The following ZNF438 variants were observed in gnomAD, a reference collection of about 807,000 sequenced individuals.
ZNF438 encodes the protein zinc finger protein 438.
ZNF438 carries 25 observed loss-of-function variants against 38.0 expected under a neutral mutation model. The observed-to-expected ratio is 0.66, with a 90% CI of 0.48 to 0.92. ZNF438 has a LOEUF of 0.92. Among genes scored for constraint, ZNF438 ranks in the 40% least tolerant of loss-of-function variants. The probability of loss-of-function intolerance (pLI) is 0.00; values close to 1 mark genes in which losing one functional copy is unlikely to be tolerated. For synonymous variants in ZNF438, 372 were observed against 364.1 expected (o/e 1.02, Z -0.25); for missense variants, 1,007 against 999.6 (o/e 1.01, Z -0.10).
intron 4 of ZNF438, among the ~76,000 whole-genome samples, chr10:30,863,582 G>T (rs567163015): frequency 3.9e-5 from 6 of 152,310 alleles, no homozygotes; most frequent in African/African-American, 1.4e-4. Context: ...AACCTGGGTT[G>T]AAGGGAATAT....
At chr10:30,850,737 A>G (rs1395014270) in intron 4 of ZNF438, among the ~76,000 whole-genome samples, 1 of 152,166 alleles carries the variant, frequency 6.6e-6, no homozygotes, top group African/African-American at 2.4e-5. Context: ...TCATCTTCAC[A>G]TGATGTCTGG....
chr10:31,001,034 C>T (rs2054600690), intron 1 of ZNF438, among the ~76,000 whole-genome samples: 1 of 152,124 alleles, frequency 6.6e-6, no homozygotes, highest in African/African-American at 2.4e-5. Context: ...ATCTCACCAG[C>T]CCTCTTAAGA....
chr10:30,912,450 C>T (rs1323807415), intron 2 of ZNF438, among the ~76,000 whole-genome samples: 1 of 152,116 alleles, frequency 6.6e-6, no homozygotes, highest in Non-Finnish European at 1.5e-5. Context: ...TCAAGGTAAA[C>T]ATCATGTCTC....
intron 1 of ZNF438, among the ~76,000 whole-genome samples, chr10:31,018,846 C>T (rs1564354353): frequency 6.6e-6 from 1 of 152,132 alleles, no homozygotes; most frequent in Non-Finnish European, 1.5e-5. Flanking sequence ...GTTGCTGCTG[C>T]TTTCAGTTAG....
chr10:30,955,820 T>C (rs1305114285), intron 1 of ZNF438, among the ~76,000 whole-genome samples: 2 of 152,224 alleles, frequency 1.3e-5, no homozygotes, highest in South Asian at 2.1e-4. Flanking sequence ...TGTAACTTAT[T>C]ATTATTTTTT....
chr10:30,959,372 T>C lies in ZNF438; in HGVS notation c.-191-17721A>G, dbSNP rs79183529. Among the ~76,000 whole-genome samples the C allele has an allele frequency of 7.0e-3, 1,031 of 146,430 alleles. 35 individuals carry two copies. Among genetic ancestry groups the C allele is most frequent in the African/African-American group, 0.023 (961 of 41,118 alleles). On this transcript the variant is annotated intron_variant, in intron 1 of 5. Transcript: ENST00000413025. ...CTCCCTTCAGACTTCATCTGCAACATTGGCTCTTCTGGTTTTCCAGCTGAC... is the reference window on the plus strand; with the variant it reads ...CTCCCTTCAGACTTCATCTGCAACACTGGCTCTTCTGGTTTTCCAGCTGAC...
rs779722925 is a variant in ZNF438 at position 30,848,706 on chromosome 10, TGA to T, written c.1697_1698del (p.Leu566HisfsTer4). ...ACTTTTGCACAAAACTCACAACACA[TGA>T]GTTTCTTCAGACGGTTCTCACCATG... is the stretch of plus-strand genomic sequence containing the variant. On this transcript the variant is annotated frameshift_variant, in exon 5 of 6. Transcript: ENST00000413025. LOFTEE classifies it high-confidence loss of function. 8.1e-6 allele frequency: 13 copies of T among 1,614,018 alleles called. No homozygotes were observed. The highest frequency in any genetic ancestry group is 1.1e-5 in the Non-Finnish European group (13 of 1,179,988).
intron 1 of ZNF438, among the ~76,000 whole-genome samples, chr10:31,025,677 T>C (rs1413236488): frequency 2.0e-5 from 3 of 152,208 alleles, no homozygotes; most frequent in African/African-American, 7.2e-5. Context: ...CTTCTGGGTG[T>C]TCTTTTGGGG....
In ZNF438 at chr10:31,024,352, C is replaced by T. The variant is rs925153037; in HGVS notation, c.-192+7481G>A. ...TAAAAGATTCCTAGGTACGGCCGAGCGCAGTGGCTTACGCCTGTAATCCTA... is the reference window on the plus strand; with the variant it reads ...TAAAAGATTCCTAGGTACGGCCGAGTGCAGTGGCTTACGCCTGTAATCCTA... On this transcript the variant is annotated intron_variant, in intron 1 of 5. Coordinates refer to ENST00000413025, the Ensembl canonical transcript of ZNF438. Among the ~76,000 whole-genome samples, 8 of 152,116 alleles carry T rather than the reference C, an allele frequency of 5.3e-5. No homozygotes were observed. In the East Asian group the frequency reaches 7.7e-4, roughly 15 times the overall value.
At chr10:30,950,785 CCAGATGGATTCA>C (rs1285253472) in intron 1 of ZNF438, among the ~76,000 whole-genome samples, 8 of 117,866 alleles carry the variant, frequency 6.8e-5, no homozygotes, top group Non-Finnish European at 1.1e-4. Flanking sequence ...GAGTCCAGGA[CCAGATGGATTCA>C]CAGCTGAATT....
intron 1 of ZNF438, among the ~76,000 whole-genome samples, chr10:31,024,485 G>C (rs56242693): frequency 5.3e-5 from 8 of 152,066 alleles, no homozygotes; most frequent in African/African-American, 9.7e-5. Flanking sequence ...AAAATTAGCC[G>C]GGCTTGGTGG....
exon 5 of ZNF438, chr10:30,849,372 T>C (rs932102353): frequency 6.2e-7 from 1 of 1,614,268 alleles, no homozygotes; most frequent in Non-Finnish European, 8.5e-7. Context: ...ACAGGTAGCC[T>C]GCTTGCCACC....
intron 3 of ZNF438, among the ~76,000 whole-genome samples, chr10:30,898,844 AC>A (rs760951240): frequency 9.2e-5 from 14 of 152,256 alleles, no homozygotes; most frequent in Non-Finnish European, 1.8e-4. Context: ...AGTAGATTGC[AC>A]CTGTATCAAT....
rs75432698 is a variant in ZNF438 at position 30,990,664 on chromosome 10, A to G, written c.-192+41169T>C. ...GGACAGCTGCCAATTTATAGGAATT[A>G]TAGAGGTCAGAGAAACGTGTGGATC... On this transcript the variant is annotated intron_variant, in intron 1 of 5. Coordinates refer to ENST00000413025, the Ensembl canonical transcript of ZNF438. 9.7e-3 allele frequency among the ~76,000 whole-genome samples: 1,420 copies of G among 146,206 alleles called. 18 individuals carry two copies. The highest frequency in any genetic ancestry group is 0.033 in the African/African-American group (1,316 of 39,456).
At chr10:31,004,642 G>C (rs1340747975) in intron 1 of ZNF438, among the ~76,000 whole-genome samples, 1 of 152,184 alleles carries the variant, frequency 6.6e-6, no homozygotes, top group Non-Finnish European at 1.5e-5. Context: ...TCATTAAAGT[G>C]AAAAAACTGG....
Position 30,849,593 on chromosome 10 carries a change from T to C in ZNF438, c.812A>G (p.Asn271Ser), listed in dbSNP as rs375705405. Reference sequence around the variant, plus strand: ...ATTGCCAAGAATGGTTGGTGATAAATTGGTCATGGTTTTTGCAAGATCAAC... The same window carrying C: ...ATTGCCAAGAATGGTTGGTGATAAACTGGTCATGGTTTTTGCAAGATCAAC... Residue 271 changes from asparagine to serine, a missense_variant, in exon 5 of 6, where the codon AAT becomes AGT. Asn to Ser is a conservative substitution (Grantham distance 46, BLOSUM62 1). Coordinates refer to ENST00000413025, the Ensembl canonical transcript of ZNF438. 61 of 1,614,200 alleles carry C rather than the reference T, an allele frequency of 3.8e-5. No homozygotes were observed. In the Admixed American group the frequency reaches 3.8e-4, roughly 10 times the overall value.
At chr10:30,875,524 G>T (rs1249830718) in intron 4 of ZNF438, 1 of 985,304 alleles carries the variant, frequency 1.0e-6, no homozygotes, top group Non-Finnish European at 1.2e-6. Flanking sequence ...GATAAAAAAA[G>T]GTAATACCAG....
chr10:30,980,799 A>G (rs1217930395), intron 1 of ZNF438, among the ~76,000 whole-genome samples: 1 of 152,236 alleles, frequency 6.6e-6, no homozygotes. Flanking sequence ...AAAGAAGAGA[A>G]GATAGCAAAG....
intron 3 of ZNF438, among the ~76,000 whole-genome samples, chr10:30,903,258 C>T (rs1469021611): frequency 3.9e-5 from 6 of 152,194 alleles, no homozygotes; most frequent in South Asian, 2.1e-4. Context: ...GGTGCAGCGG[C>T]GGGCTGAAGG....
Sources: allele counts gnomAD v4.1 joint callset (sites outside exome capture counted in the v4.1 genomes callset), GRCh38; gene constraint gnomAD v4.1.1; transcripts MANE v1.5; gene names NCBI Gene and HGNC (gene_info 2026-07-23, HGNC 2026-07-21).